Variants in SNTG2 observed in about 807,000 individuals in gnomAD.
SNTG2 encodes syntrophin gamma 2.
Under a neutral mutation model 70.9 loss-of-function variants are expected in SNTG2, and 74 were observed. That is an observed-to-expected ratio of 1.04 (90% confidence interval 0.86 to 1.27). The LOEUF is 1.27. Among genes scored for constraint, SNTG2 ranks in the 50% most tolerant of loss-of-function variants. The pLI is 0.00. For missense variants in SNTG2, 717 were observed against 690.7 expected (o/e 1.04, Z -0.43); for synonymous variants, 278 against 273.8 (o/e 1.02, Z -0.15).
Position 1,241,637 on chromosome 2 carries a change from TC to T in SNTG2, c.888+1863del, listed in dbSNP as rs549942406. Among the ~76,000 whole-genome samples, 320 of 152,146 alleles carry T rather than the reference TC, an allele frequency of 2.1e-3. 4 individuals are homozygous for T. The highest frequency in any genetic ancestry group is 7.1e-3 in the African/African-American group (294 of 41,504). On this transcript the variant is annotated intron_variant, in intron 11 of 16. Coordinates refer to ENST00000308624, the MANE Select transcript of SNTG2 (RefSeq NM_018968.4). ...CCTTCACCCTCTCCCCACCCCTTAA[TC>T]CTCCTTATCATCAACTGACAAGAGA...
At chr2:1,294,730 A>G (rs1304795462) in intron 14 of SNTG2, among the ~76,000 whole-genome samples, 1 of 152,042 alleles carries the variant, frequency 6.6e-6, no homozygotes, top group African/African-American at 2.4e-5. Flanking sequence ...ATCAGATATT[A>G]ACATATGATG....
At chr2:960,515 C>T (rs980595686) in intron 1 of SNTG2, among the ~76,000 whole-genome samples, 2 of 152,202 alleles carry the variant, frequency 1.3e-5, no homozygotes, top group South Asian at 2.1e-4. Flanking sequence ...ACTCTGCCCT[C>T]GTGGAGGAGC....
At chr2:1,165,138 T>C (rs1310947738) in intron 6 of SNTG2, among the ~76,000 whole-genome samples, 1 of 152,230 alleles carries the variant, frequency 6.6e-6, no homozygotes, top group African/African-American at 2.4e-5. Flanking sequence ...CATTTAAATA[T>C]TTAAATTAGT....
intron 8 of SNTG2, among the ~76,000 whole-genome samples, chr2:1,180,248 A>G (rs1165165747): frequency 0.02 from 2,052 of 102,418 alleles, no homozygotes; most frequent in East Asian, 0.049. Context: ...GCTTCTGCAC[A>G]GCAAAAGAAA....
At chr2:1,358,663 T>C (rs1660980255) in intron 16 of SNTG2, among the ~76,000 whole-genome samples, 1 of 152,164 alleles carries the variant, frequency 6.6e-6, no homozygotes, top group Non-Finnish European at 1.5e-5. Flanking sequence ...CTTTTTCCAA[T>C]TTTCCTTCTG....
intron 11 of SNTG2, among the ~76,000 whole-genome samples, chr2:1,246,116 C>G (rs1558591003): frequency 6.6e-6 from 1 of 152,246 alleles, no homozygotes; most frequent in East Asian, 1.9e-4. Context: ...CTTTGAAAAG[C>G]CTTCTAAATC....
intron 16 of SNTG2, among the ~76,000 whole-genome samples, chr2:1,339,428 T>C (rs1258223831): frequency 1.3e-5 from 2 of 152,240 alleles, no homozygotes; most frequent in Non-Finnish European, 2.9e-5. Flanking sequence ...AACTCCCTAA[T>C]GCATGATACA....
intron 10 of SNTG2, among the ~76,000 whole-genome samples, chr2:1,239,144 G>C (rs1032823598): frequency 2.7e-5 from 4 of 150,922 alleles, no homozygotes; most frequent in Non-Finnish European, 4.4e-5. Flanking sequence ...AAATGTTTGT[G>C]ACGAGGAGCG....
At chr2:1,181,258 T>C (rs1306974841) in intron 8 of SNTG2, among the ~76,000 whole-genome samples, 1 of 152,152 alleles carries the variant, frequency 6.6e-6, no homozygotes, top group East Asian at 1.9e-4. Context: ...TTCTTTGCAC[T>C]CAAGAGTGTG....
At chr2:1,275,008 C>T (rs920884763) in intron 14 of SNTG2, among the ~76,000 whole-genome samples, 7 of 152,176 alleles carry the variant, frequency 4.6e-5, no homozygotes, top group African/African-American at 9.7e-5. Flanking sequence ...AAGAGGAAGC[C>T]GACATGTGCA....
At chr2:956,043 G>GCCCCTGCCCCTGCCCCTA (rs1240234422) in intron 1 of SNTG2, among the ~76,000 whole-genome samples, 1 of 107,952 alleles carries the variant, frequency 9.3e-6, no homozygotes, top group Non-Finnish European at 1.9e-5. Context: ...CCCTGCCCCT[G>GCCCCTGCCCCTGCCCCTA]CCCCTGCCCC....
At chr2:1,319,283 G>A (rs1439314391) in intron 16 of SNTG2, among the ~76,000 whole-genome samples, 1 of 152,204 alleles carries the variant, frequency 6.6e-6, no homozygotes, top group African/African-American at 2.4e-5. Context: ...GCCCCAGGGA[G>A]TTACAGAGGC....
At chr2:1,305,153 A>T (rs1237440143) in intron 14 of SNTG2, among the ~76,000 whole-genome samples, 2 of 152,226 alleles carry the variant, frequency 1.3e-5, no homozygotes, top group Non-Finnish European at 2.9e-5. Context: ...CTGTCTTCAG[A>T]CAAACCATGA....
At chr2:1,018,631 C>G (rs1201523181) in intron 1 of SNTG2, among the ~76,000 whole-genome samples, 1 of 152,232 alleles carries the variant, frequency 6.6e-6, no homozygotes, top group Non-Finnish European at 1.5e-5. Flanking sequence ...GCTGTTTAGA[C>G]CCAGGGCGTG....
rs1671582583 is a variant in SNTG2 at position 1,177,772 on chromosome 2, C to T, written c.591+4589C>T. Among the ~76,000 whole-genome samples the T allele has an allele frequency of 5.3e-5, 8 of 152,124 alleles. No homozygotes were observed. The South Asian group carries it at 1.4e-3, about 28-fold the overall frequency. ...TTGAAAAGGAAACTAAGCATACCCA[C>T]ATAGCCCTTAAAGTTGACATGCACT... On this transcript the variant is annotated intron_variant, in intron 8 of 16. Transcript: ENST00000308624.
chr2:1,152,299 G>A (rs911405624), intron 6 of SNTG2, among the ~76,000 whole-genome samples: 1 of 152,100 alleles, frequency 6.6e-6, no homozygotes, highest in Non-Finnish European at 1.5e-5. Context: ...GATTGGTTAG[G>A]GCTCCACCAA....
intron 1 of SNTG2, among the ~76,000 whole-genome samples, chr2:981,825 A>G (rs1661108777): frequency 6.6e-6 from 1 of 152,204 alleles, no homozygotes; most frequent in South Asian, 2.1e-4. Context: ...CTATGCACAC[A>G]CAAATGCCCA....
At chr2:1,156,675 A>C (rs1277349523) in intron 6 of SNTG2, among the ~76,000 whole-genome samples, 7 of 152,134 alleles carry the variant, frequency 4.6e-5, no homozygotes, top group African/African-American at 1.7e-4. Context: ...GTGAGGGCAG[A>C]AGGACGAGGG....
intron 1 of SNTG2, among the ~76,000 whole-genome samples, chr2:1,056,045 T>C (rs550927410): frequency 2.0e-5 from 3 of 151,244 alleles, no homozygotes; most frequent in South Asian, 4.2e-4. Flanking sequence ...TGTTTCAGAG[T>C]GGACACAGGG....
Sources: allele counts gnomAD v4.1 joint callset (sites outside exome capture counted in the v4.1 genomes callset), GRCh38; gene constraint gnomAD v4.1.1; transcripts MANE v1.5; gene names NCBI Gene and HGNC (gene_info 2026-07-23, HGNC 2026-07-21).